CAPZB: variants seen among roughly 807,000 people sequenced by gnomAD.
CAPZB encodes F-actin-capping protein subunit beta.
In CAPZB, 2 loss-of-function variants were observed where a neutral mutation model predicts 38.1. The observed-to-expected ratio is 0.05, with a 90% confidence interval of 0.02 to 0.17. The LOEUF is 0.17. Ranked by LOEUF, CAPZB falls within the 10% of genes least tolerant of loss-of-function variation. The pLI, the probability that CAPZB is intolerant of heterozygous loss-of-function variation, is 1.00. For synonymous variants in CAPZB, 107 were observed against 127.4 expected (o/e 0.84, Z 1.08); for missense variants, 161 against 334.2 (o/e 0.48, Z 4.04).
chr1:19,428,761 C>T (rs576729459), intron 1 of CAPZB, among the ~76,000 whole-genome samples: 2 of 152,154 alleles, frequency 1.3e-5, no homozygotes, highest in South Asian at 2.1e-4. Flanking sequence ...CCTTCTCCCC[C>T]GTGAGTCTTT....
chr1:19,392,168 G>C (rs1307259865), intron 2 of CAPZB, among the ~76,000 whole-genome samples: 3 of 140,764 alleles, frequency 2.1e-5, no homozygotes, highest in Non-Finnish European at 4.6e-5. Flanking sequence ...GTGCGACACA[G>C]AGAGACTCTG....
chr1:19,464,642 G>A (rs1365347046), intron 1 of CAPZB, among the ~76,000 whole-genome samples: 1 of 152,062 alleles, frequency 6.6e-6, no homozygotes, highest in East Asian at 1.9e-4. Context: ...AAAAACTGGA[G>A]GCAACCCAAA....
chr1:19,458,725 A>G (rs567656865), intron 1 of CAPZB, among the ~76,000 whole-genome samples: 7 of 152,330 alleles, frequency 4.6e-5, no homozygotes, highest in Admixed American at 3.3e-4. Flanking sequence ...CCCCTCTTCA[A>G]TGTCTAAGGA....
intron 4 of CAPZB, among the ~76,000 whole-genome samples, chr1:19,367,028 G>A (rs1445635926): frequency 6.6e-6 from 1 of 152,226 alleles, no homozygotes; most frequent in Non-Finnish European, 1.5e-5. Context: ...TCCTCGTGGT[G>A]TAGACCAACG....
At chr1:19,433,613 G>A (rs946897) in intron 1 of CAPZB, among the ~76,000 whole-genome samples, 3 of 152,024 alleles carry the variant, frequency 2.0e-5, no homozygotes, top group African/African-American at 4.8e-5. Context: ...AAGCAAAAAG[G>A]TTTAAAGGAT....
intron 4 of CAPZB, among the ~76,000 whole-genome samples, chr1:19,372,282 T>C (rs984309277): frequency 4.6e-5 from 7 of 152,218 alleles, no homozygotes; most frequent in African/African-American, 1.4e-4. Flanking sequence ...AACCGCATGT[T>C]TGAAGGTATT....
intron 1 of CAPZB, among the ~76,000 whole-genome samples, chr1:19,438,038 C>T (rs565100845): frequency 1.2e-4 from 19 of 152,254 alleles, no homozygotes; most frequent in African/African-American, 2.6e-4. Flanking sequence ...GTGCCCCAGA[C>T]GAGGAATCCA....
intron 1 of CAPZB, among the ~76,000 whole-genome samples, chr1:19,434,099 G>A (rs1211175630): frequency 6.6e-6 from 1 of 152,192 alleles, no homozygotes; most frequent in African/African-American, 2.4e-5. Context: ...ATTAATGTCA[G>A]GACCCACTGG....
At chr1:19,348,732 G>A (rs1217485866) in intron 6 of CAPZB, among the ~76,000 whole-genome samples, 1 of 145,048 alleles carries the variant, frequency 6.9e-6, no homozygotes, top group South Asian at 2.3e-4. Flanking sequence ...AGACCGACGG[G>A]TCTGAGAAAA....
chr1:19,403,687 A>G (rs4912086), intron 2 of CAPZB, among the ~76,000 whole-genome samples: 34,669 of 152,186 alleles, frequency 0.23, 4,319 homozygotes, highest in East Asian at 0.46. Flanking sequence ...AGGCTATTAT[A>G]ACACTCCAGT....
chr1:19,342,849 G>C, intron 8 of CAPZB: 1 of 1,604,476 alleles, frequency 6.2e-7, no homozygotes, highest in Non-Finnish European at 8.5e-7. Flanking sequence ...GGTTGTCAGG[G>C]ATAGCATCAA....
rs1430059455 is a variant in CAPZB, at chr1:19,357,983, CAACA to C, written c.330-424_330-421del. Among the ~76,000 whole-genome samples, 1 of 152,122 alleles carries C rather than the reference CAACA, an allele frequency of 6.6e-6. No homozygotes were observed. Among genetic ancestry groups the C allele is most frequent in the Non-Finnish European group, 1.5e-5 (1 of 68,014 alleles). ...TTACAGGGCAGATGAGAAAATACAG[CAACA>C]AACTCCCTACACCCTGATCCCTCCT... On this transcript the variant is annotated intron_variant, in intron 4 of 8. Coordinates refer to ENST00000264202, the MANE Select transcript of CAPZB (RefSeq NM_004930.5). This position sits in a 1 kb window ranked among gnomAD's most constrained non-coding sequence, Gnocchi z 4.3.
chr1:19,374,965 G>A (rs142224966), intron 4 of CAPZB, among the ~76,000 whole-genome samples: 4 of 152,260 alleles, frequency 2.6e-5, no homozygotes, highest in South Asian at 2.1e-4. Context: ...GGAACAGCCT[G>A]GTCCCTAGAA....
At chr1:19,367,022 C>T (rs2094092207) in intron 4 of CAPZB, among the ~76,000 whole-genome samples, 1 of 152,232 alleles carries the variant, frequency 6.6e-6, no homozygotes, top group South Asian at 2.1e-4. Flanking sequence ...CTCCCTTCCT[C>T]GTGGTGTAGA....
chr1:19,449,419 G>T, intron 1 of CAPZB: 1 of 783,178 alleles, frequency 1.3e-6, no homozygotes. Context: ...GAACCAGCAG[G>T]TCTCAGGGTG....
chr1:19,476,649 C>T (rs1260145013), intron 1 of CAPZB, among the ~76,000 whole-genome samples: 1 of 152,226 alleles, frequency 6.6e-6, no homozygotes, highest in Non-Finnish European at 1.5e-5. Flanking sequence ...CACAAAGAAC[C>T]GTCCTGTCCA....
intron 2 of CAPZB, among the ~76,000 whole-genome samples, chr1:19,416,860 C>CAAAAAAAAAAAAAAAA (rs59789230): frequency 2.3e-4 from 16 of 69,438 alleles, no homozygotes; most frequent in African/African-American, 8.3e-4. Context: ...GACCCTGTCT[C>CAAAAAAAAAAAAAAAA]AAAAAAAAAA....
chr1:19,412,071 T>C (rs2094359442), intron 2 of CAPZB, among the ~76,000 whole-genome samples: 1 of 152,186 alleles, frequency 6.6e-6, no homozygotes, highest in African/African-American at 2.4e-5. Flanking sequence ...TCACCACAAT[T>C]TTCCAAGGAA....
At chr1:19,468,425 G>C (rs568511432) in intron 1 of CAPZB, among the ~76,000 whole-genome samples, 5 of 152,278 alleles carry the variant, frequency 3.3e-5, no homozygotes, top group African/African-American at 4.8e-5. Flanking sequence ...ACTAGCCTGT[G>C]GGCCTTTCAC....
Sources: gnomAD v4.1 joint callset for allele counts (sites outside exome capture counted in the v4.1 genomes callset) on GRCh38, gnomAD v4.1.1 for gene constraint, Gnocchi (gnomAD v3.1) non-coding constraint, MANE v1.5 for transcripts, NCBI Gene and HGNC (gene_info 2026-07-23, HGNC 2026-07-21) for gene names.